Variants in GABRE observed in about 807,000 individuals in gnomAD.
The protein encoded by GABRE is gamma-aminobutyric acid type A receptor subunit epsilon.
A neutral mutation model predicts 31.0 loss-of-function variants in GABRE; 20 were observed. The ratio of observed to expected loss-of-function variants is 0.64; its 90% confidence interval spans 0.45 to 0.94. GABRE has a LOEUF of 0.94. Ranked by LOEUF, GABRE falls within the 40% of genes least tolerant of loss-of-function variation. The pLI is 0.00. For synonymous variants in GABRE, 155 were observed against 150.6 expected (o/e 1.03, Z -0.21); for missense variants, 420 against 410.7 (o/e 1.02, Z -0.20).
intron 1 of GABRE, among the ~76,000 whole-genome samples, chrX:151,973,645 G>C (rs1017319810): frequency 1.3e-4 from 15 of 111,339 alleles, no homozygotes; most frequent in Non-Finnish European, 2.4e-4. Flanking sequence ...TTCACACACA[G>C]CAGGAACCAT....
chrX:151,964,279 G>A (rs1344666505), intron 3 of GABRE, among the ~76,000 whole-genome samples: 1 of 111,798 alleles, frequency 8.9e-6, no homozygotes, highest in Non-Finnish European at 1.9e-5. Context: ...CAACTGCCCT[G>A]TTTCCAGAGC....
At chrX:151,958,768 A>G (rs1934260892) in intron 6 of GABRE, 1 of 283,365 alleles carries the variant, frequency 3.5e-6, no homozygotes, top group Non-Finnish European at 6.8e-6. Context: ...CAGAAGAGCA[A>G]GGCTCCCAAG....
At chrX:151,964,045 G>A (rs1191962547) in intron 3 of GABRE, among the ~76,000 whole-genome samples, 2 of 111,981 alleles carry the variant, frequency 1.8e-5, no homozygotes, top group Non-Finnish European at 3.8e-5. Context: ...AACTGAATGC[G>A]CCCTACAAAT....
At chrX:151,967,116 C>T (rs1423118632) in intron 3 of GABRE, among the ~76,000 whole-genome samples, 1 of 111,670 alleles carries the variant, frequency 9.0e-6, no homozygotes, top group African/African-American at 3.3e-5. Context: ...GAAAGCAAAC[C>T]GAAGCATCTT....
rs201300022 is a variant in GABRE at position 151,955,586 on chromosome X, G to A, written c.938-19C>T. 1,390 of 1,202,770 alleles carry A rather than the reference G, an allele frequency of 1.2e-3. 1 individual carries two copies. Among genetic ancestry groups the A allele is most frequent in the South Asian group, 3.4e-3 (195 of 56,676 alleles). On this transcript the variant is annotated intron_variant, in intron 7 of 8. Coordinates refer to ENST00000370328, the MANE Select transcript of GABRE (RefSeq NM_004961.4). ...GTGATCCCTGCAAGAGCACAAGAGT[G>A]ATGGGCTCAGCTCCTGACCTATGTG...
intron 3 of GABRE, among the ~76,000 whole-genome samples, chrX:151,963,476 T>TATCCTACAAGGTCAACCACACATTTG (rs1380501112): frequency 1.1e-4 from 12 of 112,745 alleles, no homozygotes; most frequent in Non-Finnish European, 1.1e-4. Context: ...GTGCTGTGTT[T>TATCCTACAAGGTCAACCACACATTTG]ATCCTACAAG....
chrX:151,958,504 C>A, intron 6 of GABRE: 1 of 342,521 alleles, frequency 2.9e-6, no homozygotes, highest in Admixed American at 3.2e-5. Context: ...CTTTTCTCCT[C>A]AAGAATCCTC....
chrX:151,967,857 C>T (rs140232375), intron 3 of GABRE, among the ~76,000 whole-genome samples: 227 of 111,987 alleles, frequency 2.0e-3, no homozygotes, highest in African/African-American at 7.0e-3. Context: ...CATGTGTAGC[C>T]GGCAGACTCT....
intron 6 of GABRE, chrX:151,958,331 A>T (rs916350927): frequency 3.9e-5 from 9 of 232,219 alleles, no homozygotes; most frequent in Admixed American, 1.3e-4. Context: ...CTACCACTGC[A>T]TTCTGAACCC....
In GABRE at chrX:151,954,610, T is replaced by A. The variant is rs901437192; in HGVS notation, c.*91A>T. On this transcript the variant is annotated 3_prime_UTR_variant, in exon 9 of 9. Transcript: ENST00000370328. ...CAGGAAAAACTCTAGTCGCTCCTGC[T>A]GCTGCTGCTGCTTTCCCCCAACTCC... The A allele has an allele frequency of 3.0e-6, 2 of 667,061 alleles. No homozygotes were observed. The highest frequency in any genetic ancestry group is 4.5e-5 in the African/African-American group (2 of 44,676). 55.0% of individuals were successfully genotyped at this position (667,061 alleles called of 1,213,427 possible). A position where few individuals can be genotyped will look rare whatever the true frequency, so the allele number is the denominator to read the frequency against.
intron 6 of GABRE, chrX:151,957,400 C>T: frequency 3.1e-6 from 1 of 325,965 alleles, no homozygotes; most frequent in Non-Finnish European, 5.9e-6. Context: ...GGATAGAACT[C>T]CTCCAGAGCT....
intron 3 of GABRE, among the ~76,000 whole-genome samples, chrX:151,963,132 G>C (rs1376787973): frequency 8.9e-6 from 1 of 112,118 alleles, no homozygotes; most frequent in Non-Finnish European, 1.9e-5. Flanking sequence ...CCACATTTCT[G>C]AAGTCAGGGT....
In GABRE at chrX:151,969,723, C is replaced by T; in HGVS notation, c.288G>A (p.Val96=). 8.3e-7 allele frequency: 1 copy of T among 1,209,515 alleles called. No homozygotes were observed. ...LRPGIGEKPT[V]VTVEISVNSL... ...TGTTGACGGAGATCTCAACAGTGAC[C>T]ACAGTGGGCTTCTCTATAAGGGAAG... The change falls in exon 3 of 9, where the codon GTG becomes GTA. Residue 96 remains valine (V), a synonymous_variant. Transcript: ENST00000370328.
At chrX:151,972,364 C>G (rs1419091987) in intron 1 of GABRE, 1 of 751,509 alleles carries the variant, frequency 1.3e-6, no homozygotes, top group Non-Finnish European at 1.6e-6. Flanking sequence ...CCAGCCATCT[C>G]AAAAGATAAG....
At chrX:151,958,159 C>T (rs866177513) in intron 6 of GABRE, 4 of 138,385 alleles carry the variant, frequency 2.9e-5, no homozygotes, top group Non-Finnish European at 5.5e-5. Context: ...AGGAAACCTC[C>T]TTGTAAGACA....
At chrX:151,964,536 TG>T (rs1238667936) in intron 3 of GABRE, among the ~76,000 whole-genome samples, 3 of 111,799 alleles carry the variant, frequency 2.7e-5, no homozygotes, top group African/African-American at 9.8e-5. Context: ...TTCCATGGGC[TG>T]GGCTCTTCAT....
chrX:151,955,512 GA>G lies in GABRE; in HGVS notation c.992del (p.Phe331SerfsTer34). 1.7e-6 allele frequency: 2 copies of G among 1,211,974 alleles called. No homozygotes were observed. Among genetic ancestry groups the G allele is most frequent in the Non-Finnish European group, 2.2e-6 (2 of 895,395 alleles). The stretch of plus-strand genomic sequence containing the variant: ...AGGCTGTGATATAGGAGACACGCGG[GA>G]AATTCTTACGAGAAAAGGTGCCCAA... ...TTLGTFSRKNFPRVSYITALD... is the reference protein window; with the variant it reads ...TTLGTFSRKNXPRVSYITALD... On this transcript the variant is annotated frameshift_variant, in exon 8 of 9. Coordinates refer to ENST00000370328, the MANE Select transcript of GABRE (RefSeq NM_004961.4). LOFTEE classifies it high-confidence loss of function.
Position 151,955,840 on chromosome X carries a change from T to G in GABRE, c.805A>C (p.Ile269Leu). ...AACCGCCTGCTCACATTGAAGAAAA[T>G]CGTCATGACCATGAAGTCACCTGAA... is the stretch of plus-strand genomic sequence containing the variant. ...TPVGDFMVMT[I>L]FFNVSRRFGY... Residue 269 changes from isoleucine to leucine, a missense_variant, in exon 7 of 9, where the codon ATT (isoleucine) becomes CTT (leucine). By Grantham distance (5) the Ile-to-Leu change is conservative (BLOSUM62 2). Coordinates refer to ENST00000370328, the MANE Select transcript of GABRE (RefSeq NM_004961.4). The G allele has an allele frequency of 2.9e-5, 35 of 1,211,364 alleles. No individual in the cohort carries two copies. The highest frequency in any genetic ancestry group is 3.9e-5 in the Non-Finnish European group (35 of 895,423).
intron 4 of GABRE, among the ~76,000 whole-genome samples, chrX:151,961,908 G>A (rs1309952275): frequency 8.9e-6 from 1 of 112,255 alleles, no homozygotes; most frequent in Non-Finnish European, 1.9e-5. Flanking sequence ...AACGTATGGA[G>A]CAACTTCGAT....
Sources: allele counts gnomAD v4.1 joint callset (sites outside exome capture counted in the v4.1 genomes callset), GRCh38; gene constraint gnomAD v4.1.1; transcripts MANE v1.5; gene names NCBI Gene and HGNC (gene_info 2026-07-23, HGNC 2026-07-21).